The following TSG101 variants were observed in gnomAD, a reference collection of about 807,000 sequenced individuals.
TSG101 encodes tumor susceptibility 101, also known as tumor susceptibility gene 101 protein.
TSG101 carries 19 observed loss-of-function variants against 48.5 expected under a neutral mutation model. That is an observed-to-expected ratio of 0.39 (90% CI 0.27 to 0.58). The LOEUF is 0.58. Among genes scored for constraint, TSG101 ranks in the 20% least tolerant of loss-of-function variants. The pLI, the probability that TSG101 is intolerant of heterozygous loss-of-function variation, is 0.55. For synonymous variants in TSG101, 174 were observed against 169.4 expected, an observed-to-expected ratio of 1.03 and a Z score of -0.21; for missense variants, 365 against 484.4, an observed-to-expected ratio of 0.75 and a Z score of 2.31.
intron 9 of TSG101, chr11:18,481,234 G>C (rs1215231364): frequency 1.0e-6 from 1 of 955,468 alleles, no homozygotes; most frequent in Non-Finnish European, 1.2e-6. Context: ...TGGGAAAACT[G>C]GTCTAAAGTT....
intron 4 of TSG101, among the ~76,000 whole-genome samples, chr11:18,513,582 G>A (rs1850122819): frequency 1.3e-5 from 2 of 152,124 alleles, no homozygotes; most frequent in African/African-American, 4.8e-5. Flanking sequence ...TCACAGCCAT[G>A]AGCCACCATC....
intron 3 of TSG101, among the ~76,000 whole-genome samples, 176 bp downstream of exon 3, chr11:18,515,923 G>A (rs1850161762): frequency 6.6e-6 from 1 of 152,236 alleles, no homozygotes; most frequent in African/African-American, 2.4e-5. Flanking sequence ...GAAGTTTTAA[G>A]AAAGCTGAAA....
intron 4 of TSG101, among the ~76,000 whole-genome samples, chr11:18,513,991 G>A (rs1307203545): frequency 6.6e-6 from 1 of 151,950 alleles, no homozygotes; most frequent in African/African-American, 2.4e-5. Context: ...AGTCTACCAA[G>A]CTGAATTGCT....
At chr11:18,504,200 CAAAA>C (rs933198352) in intron 6 of TSG101, among the ~76,000 whole-genome samples, 2 of 43,300 alleles carry the variant, frequency 4.6e-5, no homozygotes, top group African/African-American at 6.2e-5. Context: ...GCCCCCATCT[CAAAA>C]AAAAAAAAAA....
chr11:18,502,809 G>A (rs967894694), intron 6 of TSG101, among the ~76,000 whole-genome samples: 6 of 152,198 alleles, frequency 3.9e-5, no homozygotes, highest in African/African-American at 1.4e-4. Flanking sequence ...AGTTATATGA[G>A]AGTCACCCTC....
chr11:18,482,284 AG>A (rs1455465545), intron 8 of TSG101, among the ~76,000 whole-genome samples: 1 of 152,218 alleles, frequency 6.6e-6, no homozygotes, highest in Non-Finnish European at 1.5e-5. Flanking sequence ...CAATGCATAG[AG>A]GCCCAAATGT....
intron 7 of TSG101, among the ~76,000 whole-genome samples, chr11:18,486,188 T>C (rs1421756089): frequency 1.3e-5 from 2 of 152,226 alleles, no homozygotes; most frequent in Non-Finnish European, 2.9e-5. Flanking sequence ...TTGCTCACTC[T>C]TGATTGTCAG....
At chr11:18,494,711 G>T (rs1849749221) in intron 7 of TSG101, among the ~76,000 whole-genome samples, 2 of 152,156 alleles carry the variant, frequency 1.3e-5, no homozygotes, top group African/African-American at 2.4e-5. Context: ...GAAAGGTGTG[G>T]GGAAGAGGCA....
intron 6 of TSG101, among the ~76,000 whole-genome samples, chr11:18,506,011 T>C (rs1849966186): frequency 1.3e-5 from 2 of 152,030 alleles, no homozygotes; most frequent in South Asian, 4.1e-4. Context: ...GAGATGGGGT[T>C]TCACTCTGTT....
At chr11:18,493,612 G>C (rs1408399856) in intron 7 of TSG101, among the ~76,000 whole-genome samples, 1 of 152,146 alleles carries the variant, frequency 6.6e-6, no homozygotes, top group East Asian at 1.9e-4. Flanking sequence ...TCTGGCATCT[G>C]TGCTACACAG....
intron 2 of TSG101, among the ~76,000 whole-genome samples, chr11:18,518,927 A>G (rs1850223091): frequency 6.6e-6 from 1 of 152,140 alleles, no homozygotes; most frequent in Non-Finnish European, 1.5e-5. Flanking sequence ...TACAGACAAC[A>G]CTTTGGGAAA....
rs190180218 is a variant in TSG101, at chr11:18,504,491, T to C, written c.549-1914A>G. Reference sequence around the variant, plus strand: ...TGCTGGAGGCTACTGAACACAGTACTTTTGTTTCTAGTCTCTTCAGTAATC... The same window carrying C: ...TGCTGGAGGCTACTGAACACAGTACCTTTGTTTCTAGTCTCTTCAGTAATC... On this transcript the variant is annotated intron_variant, in intron 6 of 9. Coordinates refer to ENST00000251968, the MANE Select transcript of TSG101 (RefSeq NM_006292.4). Among the ~76,000 whole-genome samples, 231 of 152,294 alleles carry C rather than the reference T, an allele frequency of 1.5e-3. 3 individuals carry two copies. Among genetic ancestry groups the C allele is most frequent in the Non-Finnish European group, 5.9e-5 (4 of 68,004 alleles).
chr11:18,525,592 A>G (rs1206134243), intron 1 of TSG101: 1 of 642,890 alleles, frequency 1.6e-6, no homozygotes, highest in Non-Finnish European at 1.9e-6. Flanking sequence ...CTTCAGTTAC[A>G]TACTATGTAA....
intron 7 of TSG101, among the ~76,000 whole-genome samples, chr11:18,486,181 C>T (rs1464926438): frequency 3.3e-5 from 5 of 152,216 alleles, no homozygotes; most frequent in African/African-American, 7.2e-5. Context: ...CCCTGTCTTG[C>T]TCACTCTTGA....
chr11:18,526,850 A>G lies in TSG101; in HGVS notation c.-34T>C. 1 of 1,593,850 alleles carries G rather than the reference A, an allele frequency of 6.3e-7. No homozygotes were observed. Among genetic ancestry groups the G allele is most frequent in the Non-Finnish European group, 8.5e-7 (1 of 1,176,358 alleles). ...CCTGGCGACTCCCTTCCCCGCAGGCAGAGGGTCAGCCGCTGCTGGGCTGCC... is the reference window on the plus strand; with the variant it reads ...CCTGGCGACTCCCTTCCCCGCAGGCGGAGGGTCAGCCGCTGCTGGGCTGCC... On this transcript the variant is annotated 5_prime_UTR_variant, in exon 1 of 10. Coordinates refer to ENST00000251968, the MANE Select transcript of TSG101 (RefSeq NM_006292.4).
At position 18,509,645 on chromosome 11, in the gene TSG101, C is replaced by A. The variant is rs760721135; in HGVS notation, c.378G>T (p.Gly126=). ...EWKHPQSDLL[G]LIQVMIVVFG... ...ATACCACAATCATGACCTGAATAAGCCCCAACAAGTCTGACTGTGGCTACA... is the reference window on the plus strand; with the variant it reads ...ATACCACAATCATGACCTGAATAAGACCCAACAAGTCTGACTGTGGCTACA... The change falls in exon 5 of 10, where the codon GGG becomes GGT. Residue 126 remains glycine, a synonymous_variant. Transcript: ENST00000251968. The A allele has an allele frequency of 6.2e-7, 1 of 1,607,188 alleles. No individual in the cohort carries two copies. Among genetic ancestry groups the A allele is most frequent in the South Asian group, 1.1e-5 (1 of 89,904 alleles).
chr11:18,510,057 T>A (rs1432915535), intron 4 of TSG101, among the ~76,000 whole-genome samples: 1 of 152,166 alleles, frequency 6.6e-6, no homozygotes, highest in Non-Finnish European at 1.5e-5. Context: ...TTAAAAGACA[T>A]CAATGATATC....
At chr11:18,513,335 G>T (rs958335130) in intron 4 of TSG101, among the ~76,000 whole-genome samples, 26 of 151,730 alleles carry the variant, frequency 1.7e-4, no homozygotes, top group Non-Finnish European at 2.8e-4. Context: ...TTGCTCTGTT[G>T]TCCAGGCTGG....
chr11:18,489,920 A>AG (rs1273297053), intron 7 of TSG101, among the ~76,000 whole-genome samples: 22 of 152,240 alleles, frequency 1.4e-4, no homozygotes, highest in Admixed American at 5.2e-4. Flanking sequence ...CACATAATTC[A>AG]GGTCTATTTT....
Sources: gnomAD v4.1 joint callset for allele counts (sites outside exome capture counted in the v4.1 genomes callset) on GRCh38, gnomAD v4.1.1 for gene constraint, MANE v1.5 for transcripts, NCBI Gene and HGNC (gene_info 2026-07-23, HGNC 2026-07-21) for gene names.